HIVEP2: variants seen among roughly 807,000 people sequenced by gnomAD.
The protein encoded by HIVEP2 is transcription factor HIVEP2.
A neutral mutation model predicts 180.7 loss-of-function variants in HIVEP2; 14 were observed. The observed-to-expected ratio is 0.08, with a 90% CI of 0.05 to 0.12. The LOEUF (loss-of-function observed/expected upper bound fraction) is 0.12. Among genes scored for constraint, HIVEP2 ranks in the 10% least tolerant of loss-of-function variants. The pLI, the probability that HIVEP2 is intolerant of heterozygous loss-of-function variation, is 1.00. For synonymous variants in HIVEP2, 1,184 were observed against 1,136.4 expected (o/e 1.04, Z -0.84); for missense variants, 2,579 against 3,008.5 (o/e 0.86, Z 3.34).
At chr6:142,856,182 T>C (rs544373266) in intron 1 of HIVEP2, among the ~76,000 whole-genome samples, 1 of 150,912 alleles carries the variant, frequency 6.6e-6, no homozygotes, top group Admixed American at 6.6e-5. Context: ...CGCTTTTCAC[T>C]AAAAAACAGA....
At chr6:142,755,294 G>A (rs1322532741) in intron 9 of HIVEP2, among the ~76,000 whole-genome samples, 2 of 152,172 alleles carry the variant, frequency 1.3e-5, no homozygotes, top group Non-Finnish European at 2.9e-5. Flanking sequence ...AGCTGGGAAA[G>A]GTGGGAATTT....
chr6:142,811,048 C>T (rs192481579), intron 2 of HIVEP2, among the ~76,000 whole-genome samples: 140 of 152,206 alleles, frequency 9.2e-4, no homozygotes, highest in African/African-American at 3.3e-3. Flanking sequence ...TTGAGAAAAA[C>T]CGATGTGTTT....
intron 2 of HIVEP2, among the ~76,000 whole-genome samples, chr6:142,797,159 T>C (rs1358103875): frequency 6.6e-6 from 1 of 152,162 alleles, no homozygotes; most frequent in Admixed American, 6.6e-5. Flanking sequence ...CTTTTTTTGA[T>C]GTTTCTAGAT....
intron 7 of HIVEP2, 59 bp downstream of exon 7, chr6:142,764,740 T>C: frequency 7.9e-6 from 10 of 1,259,724 alleles, no homozygotes; most frequent in Non-Finnish European, 1.1e-5. Context: ...AAAATAGCAC[T>C]CAGAAATCTA....
At chr6:142,842,477 A>C (rs895447375) in intron 1 of HIVEP2, among the ~76,000 whole-genome samples, 15 of 152,192 alleles carry the variant, frequency 9.9e-5, no homozygotes, top group African/African-American at 2.9e-4. Context: ...GGGAAGAAAA[A>C]AAAGACCTGA....
chr6:142,929,044 A>C (rs1043372346), intron 1 of HIVEP2, among the ~76,000 whole-genome samples: 2 of 152,218 alleles, frequency 1.3e-5, no homozygotes, highest in Non-Finnish European at 2.9e-5. Flanking sequence ...TCTTACACCA[A>C]CTTTTTTTGG....
chr6:142,830,830 C>T (rs1392924734), intron 2 of HIVEP2, among the ~76,000 whole-genome samples: 1 of 152,160 alleles, frequency 6.6e-6, no homozygotes, highest in African/African-American at 2.4e-5. Context: ...ACCGCTTCCT[C>T]CTGCTACCCA....
At chr6:142,869,678 G>C (rs1776239630) in intron 1 of HIVEP2, among the ~76,000 whole-genome samples, 1 of 152,004 alleles carries the variant, frequency 6.6e-6, no homozygotes, top group African/African-American at 2.4e-5. Flanking sequence ...ATGTAAAAGT[G>C]TATCGCCACT....
At position 142,785,781 on chromosome 6, in the gene HIVEP2, G is replaced by A. The variant is rs557118736; in HGVS notation, c.-527-2166C>T. Among the ~76,000 whole-genome samples, 21 of 152,212 alleles carry A rather than the reference G, an allele frequency of 1.4e-4. No homozygotes were observed. The East Asian group carries it at 2.9e-3, about 21-fold the overall frequency. ...TTACAGAAGAGCCCCCTTTTTACCC[G>A]GTAAGAGGATTCAAAAACTGGTTCT... On this transcript the variant is annotated intron_variant, in intron 2 of 9. Coordinates refer to ENST00000367603, the MANE Select transcript of HIVEP2 (RefSeq NM_006734.4).
At chr6:142,812,185 C>A (rs1007824448) in intron 2 of HIVEP2, among the ~76,000 whole-genome samples, 1 of 152,068 alleles carries the variant, frequency 6.6e-6, no homozygotes, top group Non-Finnish European at 1.5e-5. Flanking sequence ...CTACACCGAG[C>A]GAAATCCAAA....
intron 2 of HIVEP2, among the ~76,000 whole-genome samples, chr6:142,807,990 A>G (rs1776593646): frequency 6.6e-6 from 1 of 152,192 alleles, no homozygotes; most frequent in Admixed American, 6.5e-5. Flanking sequence ...AAAGCCTTTC[A>G]GTGACTCCCC....
chr6:142,764,793 T>C lies in HIVEP2; in HGVS notation c.5518+6A>G. On this transcript the variant is annotated splice_donor_region_variant and intron_variant, in intron 7 of 9. Coordinates refer to ENST00000367603, the MANE Select transcript of HIVEP2 (RefSeq NM_006734.4). ...ATTTTTCCTCTCAAAAAAATCAGAC[T>C]TGTACCTTTCGTTTTGAAGGCAAAG... is the stretch of plus-strand genomic sequence containing the variant. 6.2e-7 allele frequency: 1 copy of C among 1,612,352 alleles called. No individual in the cohort carries two copies. Among genetic ancestry groups the C allele is most frequent in the East Asian group, 2.2e-5 (1 of 44,846 alleles).
At chr6:142,889,644 T>C (rs1776805195) in intron 1 of HIVEP2, among the ~76,000 whole-genome samples, 1 of 152,180 alleles carries the variant, frequency 6.6e-6, no homozygotes, top group Non-Finnish European at 1.5e-5. Context: ...TACAAAATGG[T>C]GTTATGGCAA....
chr6:142,838,629 C>T (rs1449316206), intron 1 of HIVEP2, among the ~76,000 whole-genome samples: 3 of 152,094 alleles, frequency 2.0e-5, no homozygotes, highest in Non-Finnish European at 4.4e-5. Flanking sequence ...AGGATGGTTT[C>T]GTGCAGAAGC....
chr6:142,759,115 A>T (rs1775153327), intron 9 of HIVEP2, among the ~76,000 whole-genome samples: 2 of 152,026 alleles, frequency 1.3e-5, no homozygotes, highest in Non-Finnish European at 2.9e-5. Flanking sequence ...CAGCCTGGCC[A>T]ACATGGTGAA....
chr6:142,774,283 T>C lies in HIVEP2; in HGVS notation c.456A>G (p.Arg152=). 1.2e-6 allele frequency: 2 copies of C among 1,614,158 alleles called. No individual in the cohort carries two copies. Among genetic ancestry groups the C allele is most frequent in the Non-Finnish European group, 1.7e-6 (2 of 1,180,038 alleles). The change falls in exon 5 of 10, where the codon AGA becomes AGG. Residue 152 remains arginine (R), a synonymous_variant. Coordinates refer to ENST00000367603, the MANE Select transcript of HIVEP2 (RefSeq NM_006734.4). The surrounding 1 kb of genome is among the most constrained non-coding windows in gnomAD (Gnocchi z 5.1). ...PIHGHSGGYP[R]KKISSLNPAY... ...CAGGGTTCAGACTTGAAATCTTTTTTCTAGGATAACCACCACTGTGGCCAT... is the reference window on the plus strand; with the variant it reads ...CAGGGTTCAGACTTGAAATCTTTTTCCTAGGATAACCACCACTGTGGCCAT...
intron 8 of HIVEP2, among the ~76,000 whole-genome samples, chr6:142,760,871 C>G (rs1012540291): frequency 6.6e-6 from 1 of 152,096 alleles, no homozygotes; most frequent in Non-Finnish European, 1.5e-5. Context: ...TGTTTTCATC[C>G]CCAACTTACA....
intron 1 of HIVEP2, among the ~76,000 whole-genome samples, chr6:142,845,028 C>T (rs77556825): frequency 0.016 from 2,503 of 152,276 alleles, 69 homozygotes; most frequent in African/African-American, 0.057. Flanking sequence ...GCAGGCTGCA[C>T]GCTGCATCTA....
intron 2 of HIVEP2, among the ~76,000 whole-genome samples, chr6:142,794,764 T>C (rs1582866491): frequency 6.6e-6 from 1 of 152,112 alleles, no homozygotes; most frequent in Non-Finnish European, 1.5e-5. Flanking sequence ...TGGATGAAGG[T>C]TTTGTCTCTG....
Sources: allele counts gnomAD v4.1 joint callset (sites outside exome capture counted in the v4.1 genomes callset), GRCh38; gene constraint gnomAD v4.1.1; non-coding constraint Gnocchi (gnomAD v3.1); transcripts MANE v1.5; gene names NCBI Gene and HGNC (gene_info 2026-07-23, HGNC 2026-07-21).